Variants in PSMB4 observed in about 807,000 individuals in gnomAD.
PSMB4 encodes proteasome 20S subunit beta 4.
In PSMB4, 16 loss-of-function variants were observed where a neutral mutation model predicts 35.2. The ratio of observed to expected loss-of-function variants is 0.45; its 90% CI spans 0.31 to 0.69. The LOEUF is 0.69. PSMB4 is among the 30% of genes least tolerant of loss of function. The probability of loss-of-function intolerance (pLI) is 0.06; values close to 1 mark genes in which losing one functional copy is unlikely to be tolerated. For missense variants in PSMB4, 333 were observed against 351.8 expected (o/e 0.95, Z 0.43); for synonymous variants, 144 against 134.1 (o/e 1.07, Z -0.51).
rs1019450546 is a variant in PSMB4 at position 151,401,808 on chromosome 1, C to T, written c.783-9C>T. The stretch of plus-strand genomic sequence containing the variant: ...TTCACAATTTTATTATTCTGTCTTC[C>T]TTTTTTAGTGGCTTTGAATGAAATA... On this transcript the variant is annotated splice_polypyrimidine_tract_variant and intron_variant, in intron 6 of 6. Coordinates refer to ENST00000290541, the MANE Select transcript of PSMB4 (RefSeq NM_002796.3). The T allele has an allele frequency of 3.1e-6, 5 of 1,609,508 alleles. No homozygotes were observed. Among genetic ancestry groups the T allele is most frequent in the Non-Finnish European group, 4.3e-6 (5 of 1,176,038 alleles).
At position 151,401,562 on chromosome 1, in the gene PSMB4, C is replaced by A. The variant is rs775286900; in HGVS notation, c.714C>A (p.Thr238=). Residue 238 remains threonine, a synonymous_variant, in exon 6 of 7, where the codon ACC becomes ACA. Coordinates refer to ENST00000290541, the MANE Select transcript of PSMB4 (RefSeq NM_002796.3). ...TCCAGTTTCAAATCGCCACTGTCAC[C>A]GAAAAAGGTGTTGAAATAGAGGGAC... ...SYNRFQIATV[T]EKGVEIEGPL... is the part of the protein sequence containing the mutation. The A allele has an allele frequency of 3.7e-6, 6 of 1,612,160 alleles. No homozygotes were observed. The South Asian group carries it at 6.6e-5, about 18-fold the overall frequency.
At chr1:151,400,363 GGTGT>G (rs921950215) in intron 2 of PSMB4, 75 bp from the exon 3 acceptor site, 26 of 1,543,330 alleles carry the variant, frequency 1.7e-5, no homozygotes, top group Non-Finnish European at 2.3e-5. Context: ...AATGGGGGAA[GGTGT>G]GGTAACTTCT....
intron 4 of PSMB4, 177 bp downstream of exon 4, chr1:151,401,022 A>G: frequency 1.3e-6 from 1 of 780,550 alleles, no homozygotes; most frequent in Admixed American, 2.1e-5. Flanking sequence ...CAGTGACAAG[A>G]TGACATGACT....
At chr1:151,401,715 G>C in intron 6 of PSMB4, 85 bp downstream of exon 6, 1 of 1,546,396 alleles carries the variant, frequency 6.5e-7, no homozygotes, top group Non-Finnish European at 8.9e-7. Context: ...GCTCACCCAG[G>C]AAAATTTTCT....
At position 151,399,976 on chromosome 1, in the gene PSMB4, T is replaced by C; in HGVS notation, c.141-5T>C. The C allele has an allele frequency of 6.2e-7, 1 of 1,613,442 alleles. No homozygotes were observed. Among genetic ancestry groups the C allele is most frequent in the Non-Finnish European group, 8.5e-7 (1 of 1,179,818 alleles). ...CTCTCAGCTCCCACCGTTCTCACTC[T>C]TTAGGAACCCCATGGTGACCGGGAC... On this transcript the variant is annotated splice_region_variant and splice_polypyrimidine_tract_variant and intron_variant, in intron 1 of 6. Coordinates refer to ENST00000290541, the MANE Select transcript of PSMB4 (RefSeq NM_002796.3).
At chr1:151,401,789 A>G in intron 6 of PSMB4, 28 bp from the exon 7 acceptor site, 5 of 1,604,258 alleles carry the variant, frequency 3.1e-6, no homozygotes, top group Non-Finnish European at 4.3e-6. Context: ...ATGCTTCACA[A>G]TTTTATTATT....
In PSMB4 at chr1:151,401,887, A is replaced by C. The variant is rs1491000580; in HGVS notation, c.*58A>C. ...CCTACTTTTAACTTTGAACTTGGCT[A>C]GTTCAAAGATAGACTCTTCTTTTGT... On this transcript the variant is annotated 3_prime_UTR_variant, in exon 7 of 7. Coordinates refer to ENST00000290541, the MANE Select transcript of PSMB4 (RefSeq NM_002796.3). 1.3e-6 allele frequency: 2 copies of C among 1,494,674 alleles called. No homozygotes were observed. The highest frequency in any genetic ancestry group is 1.9e-6 in the Non-Finnish European group (2 of 1,073,718). The allele number at this position is 1,494,674 out of a possible 1,614,324, so 92.6% of individuals were successfully genotyped here.
At chr1:151,400,271 G>T in intron 2 of PSMB4, 84 bp downstream of exon 2, 2 of 1,503,380 alleles carry the variant, frequency 1.3e-6, no homozygotes, top group South Asian at 1.1e-5. Flanking sequence ...GGGATGGGGG[G>T]ACTTGTTGCA....
chr1:151,399,785 C>G, intron 1 of PSMB4, 58 bp downstream of exon 1: 2 of 1,610,516 alleles, frequency 1.2e-6, no homozygotes, highest in Non-Finnish European at 1.7e-6. Flanking sequence ...CTGGTGCTGC[C>G]GGCTGGTTTT....
rs1419921260 is a variant in PSMB4, at chr1:151,400,787, T to G, written c.518T>G (p.Leu173Arg). The change falls in exon 4 of 7, where the codon CTT (leucine) becomes CGT (arginine). Residue 173 changes from leucine (L) to arginine (R), a missense_variant. Leu to Arg is a moderately radical substitution (Grantham distance 102). Coordinates refer to ENST00000290541, the MANE Select transcript of PSMB4 (RefSeq NM_002796.3). ...GESFLGYVDMLGVAYEAPSLA... is the reference protein window; with the variant it reads ...GESFLGYVDMRGVAYEAPSLA... ...AGCTTCCTCGGTTATGTGGACATGC[T>G]TGGTGTAGCCTATGAAGCCCCTTCG... 1 of 1,614,050 alleles carries G rather than the reference T, an allele frequency of 6.2e-7. No homozygotes were observed. Among genetic ancestry groups the G allele is most frequent in the Non-Finnish European group, 8.5e-7 (1 of 1,180,030 alleles).
intron 4 of PSMB4, 99 bp from the exon 5 acceptor site, chr1:151,401,140 G>A: frequency 9.6e-7 from 1 of 1,045,388 alleles, no homozygotes; most frequent in South Asian, 1.3e-5. Context: ...GAAGTAGAAT[G>A]TCATCTTTCA....
chr1:151,399,996 C>A lies in PSMB4; in HGVS notation c.156C>A (p.Thr52=). ...CACTCTTTAGGAACCCCATGGTGAC[C>A]GGGACCTCAGTCCTCGGCGTTAAGT... ...PITRTQNPMV[T]GTSVLGVKFE... is the part of the protein sequence containing the mutation. Residue 52 remains threonine, a synonymous_variant, in exon 2 of 7, where the codon ACC becomes ACA. Coordinates refer to ENST00000290541, the MANE Select transcript of PSMB4 (RefSeq NM_002796.3). 6.2e-7 allele frequency: 1 copy of A among 1,613,964 alleles called. No individual in the cohort carries two copies. The highest frequency in any genetic ancestry group is 8.5e-7 in the Non-Finnish European group (1 of 1,179,940).
intron 1 of PSMB4, 123 bp from the exon 2 acceptor site, chr1:151,399,858 G>C: frequency 1.3e-6 from 2 of 1,551,146 alleles, no homozygotes; most frequent in Non-Finnish European, 1.8e-6. Flanking sequence ...AGCTCAGGGC[G>C]CGGAGTCCTG....
Position 151,400,750 on chromosome 1 carries a change from T to C in PSMB4, c.495-14T>C, listed in dbSNP as rs1652787289. On this transcript the variant is annotated splice_polypyrimidine_tract_variant and intron_variant, in intron 3 of 6. Transcript: ENST00000290541. ...CTAAGGTGAAATGAGTTTTGACCCA[T>C]TGTGTCCTGTTAGCTTCCTCGGTTA... 1 of 1,614,096 alleles carries C rather than the reference T, an allele frequency of 6.2e-7. No homozygotes were observed. Among genetic ancestry groups the C allele is most frequent in the African/African-American group, 1.3e-5 (1 of 75,052 alleles).
intron 4 of PSMB4, 131 bp from the exon 5 acceptor site, chr1:151,401,108 A>G: frequency 2.3e-6 from 2 of 873,104 alleles, no homozygotes; most frequent in Admixed American, 2.0e-5. Context: ...TTTTCTAAGC[A>G]GAGTTCATTC....
At chr1:151,400,660 C>T in intron 3 of PSMB4, 72 bp downstream of exon 3, 1 of 1,611,418 alleles carries the variant, frequency 6.2e-7, no homozygotes, top group Non-Finnish European at 8.5e-7. Context: ...TCTTCTGTCT[C>T]TTCTCCCCAA....
rs1012419260 is a variant in PSMB4 at position 151,400,602 on chromosome 1, C to T, written c.494+14C>T. ...TGATGGAGAGAGGTTCATATGAATACAAATAACTTATTTCCTTTACCACCC... is the reference window on the plus strand; with the variant it reads ...TGATGGAGAGAGGTTCATATGAATATAAATAACTTATTTCCTTTACCACCC... On this transcript the variant is annotated intron_variant, in intron 3 of 6. Coordinates refer to ENST00000290541, the MANE Select transcript of PSMB4 (RefSeq NM_002796.3). 1.9e-6 allele frequency: 3 copies of T among 1,614,000 alleles called. No individual in the cohort carries two copies. Among genetic ancestry groups the T allele is most frequent in the Admixed American group, 1.7e-5 (1 of 59,958 alleles).
At chr1:151,401,079 T>C in intron 4 of PSMB4, 160 bp from the exon 5 acceptor site, 1 of 782,902 alleles carries the variant, frequency 1.3e-6, no homozygotes, top group Non-Finnish European at 2.2e-6. Flanking sequence ...AACTTCTTCC[T>C]GAAGTGGCTC....
intron 5 of PSMB4, 37 bp downstream of exon 5, chr1:151,401,392 G>A (rs1238440629): frequency 6.3e-7 from 1 of 1,597,284 alleles, no homozygotes; most frequent in Admixed American, 1.7e-5. Flanking sequence ...GGCGGGCTCT[G>A]GCTACTTGCA....
Sources: allele counts gnomAD v4.1 joint callset, GRCh38; gene constraint gnomAD v4.1.1; transcripts MANE v1.5; gene names NCBI Gene and HGNC (gene_info 2026-07-23, HGNC 2026-07-21).